SDCBP: variants seen among roughly 807,000 people sequenced by gnomAD.
SDCBP encodes syntenin-1.
SDCBP carries 22 observed loss-of-function variants against 30.5 expected under a neutral mutation model. The observed-to-expected ratio is 0.72, with a 90% CI of 0.52 to 1.03. The LOEUF (loss-of-function observed/expected upper bound fraction) is 1.03. SDCBP is among the 50% of genes least tolerant of loss of function. The pLI, the probability that SDCBP is intolerant of heterozygous loss-of-function variation, is 0.00. For missense variants in SDCBP, 304 were observed against 369.9 expected, an observed-to-expected ratio of 0.82 and a Z score of 1.46; for synonymous variants, 103 against 118.7, an observed-to-expected ratio of 0.87 and a Z score of 0.86.
intron 2 of SDCBP, among the ~76,000 whole-genome samples, chr8:58,567,948 A>G (rs1804790341): frequency 1.3e-5 from 2 of 152,212 alleles, no homozygotes; most frequent in Admixed American, 1.3e-4. Context: ...TTCCAGGACT[A>G]GAAGTTGCGC....
rs201931443 is a variant in SDCBP at position 58,562,074 on chromosome 8, T to TAA, written c.-15-2935_-15-2934dup. On this transcript the variant is annotated intron_variant, in intron 1 of 8. Coordinates refer to ENST00000260130, the MANE Select transcript of SDCBP (RefSeq NM_005625.4). ...AAATAAGGAATCAAAGCATATCTAT[T>TAA]AAAAAAAAAAACAGTGAAACAAAAA... Among the ~76,000 whole-genome samples, 726 of 143,810 alleles carry TAA rather than the reference T, an allele frequency of 5.0e-3. 5 individuals are homozygous for TAA. The highest frequency in any genetic ancestry group is 0.016 in the African/African-American group (641 of 39,366). The allele number at this position is 143,810 out of a possible 152,430, so 94.3% of individuals were successfully genotyped here.
intron 2 of SDCBP, among the ~76,000 whole-genome samples, chr8:58,569,497 G>GCCTA (rs1339646037): frequency 2.2e-4 from 33 of 152,198 alleles, no homozygotes. Flanking sequence ...ACTGTGCCTG[G>GCCTA]CCTAATATTT....
Position 58,580,823 on chromosome 8 carries a change from G to A in SDCBP, c.842+215G>A, listed in dbSNP as rs1805648349. The stretch of plus-strand genomic sequence containing the variant: ...ATAAAATTCACATATACTTTCCTCA[G>A]TTTTTATAATGCCTGGTAGAAAAAA... On this transcript the variant is annotated intron_variant, in intron 8 of 8. Coordinates refer to ENST00000260130, the MANE Select transcript of SDCBP (RefSeq NM_005625.4). Among the ~76,000 whole-genome samples, 4 of 152,150 alleles carry A rather than the reference G, an allele frequency of 2.6e-5. No individual in the cohort carries two copies. The South Asian group carries it at 8.3e-4, about 31-fold the overall frequency.
intron 7 of SDCBP, 77 bp downstream of exon 7, chr8:58,579,871 T>A (rs1355244195): frequency 5.2e-6 from 7 of 1,359,004 alleles, no homozygotes; most frequent in Non-Finnish European, 6.9e-6. Context: ...TAGGTGGCGC[T>A]GTTTTCATAT....
intron 1 of SDCBP, among the ~76,000 whole-genome samples, chr8:58,559,034 AACTT>A (rs1327088076): frequency 6.6e-6 from 1 of 152,252 alleles, no homozygotes; most frequent in African/African-American, 2.4e-5. Flanking sequence ...GCAAACCTGA[AACTT>A]ACTTTTTCAG....
rs373068871 is a variant in SDCBP, at chr8:58,582,195, C to CTG, written c.*469_*470dup. On this transcript the variant is annotated 3_prime_UTR_variant, in exon 9 of 9. Coordinates refer to ENST00000260130, the MANE Select transcript of SDCBP (RefSeq NM_005625.4). ...TTGCCTTTGATTTTTTTTTTAAATT[C>CTG]TGTGTGTGTGTGTGTAAAATGCCAA... The CTG allele has an allele frequency of 0.015, 2,265 of 155,130 alleles. 55 individuals carry two copies. Among genetic ancestry groups the CTG allele is most frequent in the African/African-American group, 0.049 (2,023 of 41,178 alleles). 9.6% of individuals were successfully genotyped at this position (155,130 alleles called of 1,614,324 possible). A position where few individuals can be genotyped will look rare whatever the true frequency, so the allele number is the denominator to read the frequency against.
At chr8:58,573,908 A>G (rs1163417777) in intron 4 of SDCBP, among the ~76,000 whole-genome samples, 1 of 152,144 alleles carries the variant, frequency 6.6e-6, no homozygotes, top group South Asian at 2.1e-4. Context: ...AACAACAACA[A>G]CTTTATAGTT....
chr8:58,580,064 T>A, intron 7 of SDCBP: 1 of 326,132 alleles, frequency 3.1e-6, no homozygotes, highest in African/African-American at 2.1e-5. Flanking sequence ...AGAATATGAA[T>A]AGTGGCCCAG....
rs142859182 is a variant in SDCBP, at chr8:58,570,321, C to T, written c.52-566C>T. Among the ~76,000 whole-genome samples the T allele has an allele frequency of 3.8e-4, 58 of 152,176 alleles. No individual in the cohort carries two copies. The South Asian group carries it at 3.9e-3, about 10-fold the overall frequency. On this transcript the variant is annotated intron_variant, in intron 2 of 8. Transcript: ENST00000260130. ...ACAAATTACATTACCTTGTCATCAT[C>T]GATTTATGTCAGTGATAAACTGTGC...
chr8:58,561,682 T>G (rs188790253), intron 1 of SDCBP: 40 of 622,302 alleles, frequency 6.4e-5, no homozygotes, highest in Non-Finnish European at 6.8e-5. Context: ...TATATCTGAC[T>G]TAAACGCCAA....
intron 1 of SDCBP, among the ~76,000 whole-genome samples, chr8:58,559,802 T>C (rs1210740478): frequency 6.6e-6 from 1 of 152,204 alleles, no homozygotes; most frequent in Non-Finnish European, 1.5e-5. Flanking sequence ...AAGAGGCTCC[T>C]GCATTCTAGG....
intron 1 of SDCBP, among the ~76,000 whole-genome samples, chr8:58,557,529 G>A (rs917043711): frequency 2.2e-5 from 3 of 139,378 alleles, no homozygotes; most frequent in African/African-American, 5.4e-5. Context: ...ATAGCCTTTT[G>A]GTGTTCTGAA....
At chr8:58,569,450 T>G (rs1804900109) in intron 2 of SDCBP, among the ~76,000 whole-genome samples, 1 of 152,234 alleles carries the variant, frequency 6.6e-6, no homozygotes, top group Admixed American at 6.5e-5. Flanking sequence ...CTCTCCAGCT[T>G]CAGCTTCCCA....
intron 2 of SDCBP, among the ~76,000 whole-genome samples, chr8:58,565,712 CA>C (rs928447640): frequency 6.6e-6 from 1 of 152,038 alleles, no homozygotes; most frequent in Non-Finnish European, 1.5e-5. Context: ...TGCTTAAGAA[CA>C]AAGTGAGGAA....
rs961264211 is a variant in SDCBP, at chr8:58,563,085, A to T, written c.-15-1934A>T. ...CAAGAGAATTAAAGATGCATTTATT[A>T]AAAAAGTATATAAACTTACATATTA... On this transcript the variant is annotated intron_variant, in intron 1 of 8. Transcript: ENST00000260130. Among the ~76,000 whole-genome samples, 6 of 152,212 alleles carry T rather than the reference A, an allele frequency of 3.9e-5. No homozygotes were observed. In the South Asian group the frequency reaches 6.2e-4, roughly 16 times the overall value.
chr8:58,580,369 A>G (rs936033546), intron 7 of SDCBP, 148 bp from the exon 8 acceptor site: 6 of 578,100 alleles, frequency 1.0e-5, no homozygotes, highest in African/African-American at 1.9e-5. Flanking sequence ...GCTGTAAAAT[A>G]GTGTACAATT....
At chr8:58,577,876 C>A (rs978291538) in intron 5 of SDCBP, 157 bp from the exon 6 acceptor site, 7 of 572,722 alleles carry the variant, frequency 1.2e-5, no homozygotes, top group Non-Finnish European at 2.1e-5. Flanking sequence ...GAGGTGATAA[C>A]TTAATATACT....
intron 1 of SDCBP, among the ~76,000 whole-genome samples, 186 bp downstream of exon 1, chr8:58,553,489 G>C (rs559499369): frequency 5.3e-5 from 8 of 152,046 alleles, no homozygotes; most frequent in Non-Finnish European, 7.4e-5. Flanking sequence ...CTGCTGGCTG[G>C]GGGGGCAAGT....
rs896707697 is a variant in SDCBP at position 58,571,063 on chromosome 8, A to G, written c.130+98A>G. The G allele has an allele frequency of 1.5e-4, 118 of 809,428 alleles. 1 individual carries two copies. The Admixed American group carries it at 2.6e-3, about 18-fold the overall frequency. 50.1% of individuals were successfully genotyped at this position (809,428 alleles called of 1,614,324 possible). On this transcript the variant is annotated intron_variant, in intron 3 of 8. Coordinates refer to ENST00000260130, the MANE Select transcript of SDCBP (RefSeq NM_005625.4). ...CAAGATTTTTTTTTGGACAGGCTGC[A>G]TAAAATTGGTAGTTAAGCTCAAATA...
Sources: gnomAD v4.1 joint callset for allele counts (sites outside exome capture counted in the v4.1 genomes callset) on GRCh38, gnomAD v4.1.1 for gene constraint, MANE v1.5 for transcripts, NCBI Gene and HGNC (gene_info 2026-07-23, HGNC 2026-07-21) for gene names.